SWT1: variants seen among roughly 807,000 people sequenced by gnomAD.
The protein encoded by SWT1 is SWT1 RNA endoribonuclease homolog, also known as transcriptional protein SWT1.
In SWT1, 33 loss-of-function variants were observed where a neutral mutation model predicts 107.3. The observed-to-expected ratio is 0.31, with a 90% CI of 0.23 to 0.41. The LOEUF is 0.41. Ranked by LOEUF, SWT1 falls within the 10% of genes least tolerant of loss-of-function variation. SWT1 has a pLI of 1.00. For missense variants in SWT1, 898 were observed against 1,028.9 expected, an observed-to-expected ratio of 0.87 and a Z score of 1.74; for synonymous variants, 345 against 348.3, an observed-to-expected ratio of 0.99 and a Z score of 0.11.
chr1:185,273,424 T>G (rs1664027805), intron 17 of SWT1, among the ~76,000 whole-genome samples: 1 of 147,916 alleles, frequency 6.8e-6, no homozygotes, highest in Non-Finnish European at 1.5e-5. Flanking sequence ...AAAAATAGGC[T>G]GGGCGCGGTG....
At chr1:185,290,427 T>G (rs965640245) in intron 18 of SWT1, among the ~76,000 whole-genome samples, 6 of 152,140 alleles carry the variant, frequency 3.9e-5, no homozygotes, top group African/African-American at 1.4e-4. Flanking sequence ...AAGTTTTTTT[T>G]TAAATAGTAA....
chr1:185,222,285 G>A (rs181770756), intron 15 of SWT1, among the ~76,000 whole-genome samples: 2 of 151,994 alleles, frequency 1.3e-5, no homozygotes, highest in African/African-American at 2.4e-5. Context: ...ACAGAATAAC[G>A]TTCTTTTTTA....
intron 13 of SWT1, among the ~76,000 whole-genome samples, chr1:185,208,779 A>G (rs1658536553): frequency 6.8e-6 from 1 of 146,068 alleles, no homozygotes; most frequent in Non-Finnish European, 1.5e-5. Context: ...TGATGCATTT[A>G]CTCAGGAGTA....
chr1:185,249,261 A>G (rs1661835501), intron 16 of SWT1, among the ~76,000 whole-genome samples: 1 of 152,154 alleles, frequency 6.6e-6, no homozygotes, highest in African/African-American at 2.4e-5. Context: ...CTGTTATGGC[A>G]TTGCCTCAGA....
intron 10 of SWT1, among the ~76,000 whole-genome samples, chr1:185,198,201 T>C (rs894133693): frequency 3.9e-5 from 6 of 152,216 alleles, no homozygotes; most frequent in African/African-American, 1.4e-4. Flanking sequence ...ATTTACTCGG[T>C]AGTCATTCAG....
intron 16 of SWT1, among the ~76,000 whole-genome samples, chr1:185,243,486 A>G (rs1168084336): frequency 6.6e-6 from 1 of 152,192 alleles, no homozygotes; most frequent in African/African-American, 2.4e-5. Context: ...TAGGCCAACC[A>G]GCTGCCAGTA....
intron 16 of SWT1, among the ~76,000 whole-genome samples, chr1:185,267,827 T>C (rs2102717574): frequency 6.6e-6 from 1 of 152,316 alleles, no homozygotes; most frequent in South Asian, 2.1e-4. Flanking sequence ...AGGACTTTCA[T>C]TCAAAAAGCC....
intron 18 of SWT1, chr1:185,281,545 G>T: frequency 4.2e-6 from 1 of 240,474 alleles, no homozygotes. Context: ...GCCTGCTGTA[G>T]GATGTCTTCA....
chr1:185,283,940 C>G (rs757460557), intron 18 of SWT1, among the ~76,000 whole-genome samples: 2 of 152,050 alleles, frequency 1.3e-5, no homozygotes, highest in African/African-American at 4.8e-5. Context: ...TAGTATTGCT[C>G]TTTGTGTATA....
At chr1:185,197,304 G>A (rs1487493223) in intron 10 of SWT1, among the ~76,000 whole-genome samples, 1 of 152,110 alleles carries the variant, frequency 6.6e-6, no homozygotes, top group East Asian at 1.9e-4. Context: ...TGCATCCCAG[G>A]GATGAAGCTG....
Position 185,206,665 on chromosome 1 carries a change from T to C in SWT1, c.1874T>C (p.Leu625Pro). Residue 625 changes from leucine (L) to proline (P), a missense_variant, in exon 13 of 19, where the codon CTA becomes CCA. By Grantham distance (98) the Leu-to-Pro change is moderately conservative. This residue lies in a region of SWT1 where 382 missense variants were observed against 460.0 expected (regional missense o/e 0.83). Transcript: ENST00000367500. ...LKPPWTLLHL[L>P]QCFKKHWLAV... ...CCACCATGGACTCTACTACATTTAC[T>C]ACAGTGCTTTAAAAAACATTGGTTG... 2 of 1,608,608 alleles carry C rather than the reference T, an allele frequency of 1.2e-6. No individual in the cohort carries two copies. The highest frequency in any genetic ancestry group is 1.7e-6 in the Non-Finnish European group (2 of 1,177,042).
intron 9 of SWT1, among the ~76,000 whole-genome samples, chr1:185,189,791 A>G (rs1345301828): frequency 1.3e-5 from 2 of 150,762 alleles, no homozygotes; most frequent in Non-Finnish European, 3.0e-5. Context: ...TTTCTTTTAT[A>G]TGTACATAAA....
chr1:185,208,742 C>CTTTTTTTTTTTTT (rs11444869), intron 13 of SWT1, among the ~76,000 whole-genome samples: 1 of 142,762 alleles, frequency 7.0e-6, no homozygotes. Context: ...CGATGAATAT[C>CTTTTTTTTTTTTT]TTTTTTTTTT....
At chr1:185,265,049 T>TA (rs1390781030) in intron 16 of SWT1, among the ~76,000 whole-genome samples, 1 of 152,086 alleles carries the variant, frequency 6.6e-6, no homozygotes, top group Non-Finnish European at 1.5e-5. Context: ...ACCACCAACT[T>TA]AAAAAATAAA....
At chr1:185,181,744 A>G (rs978418368) in intron 6 of SWT1, among the ~76,000 whole-genome samples, 2 of 152,252 alleles carry the variant, frequency 1.3e-5, no homozygotes, top group Non-Finnish European at 2.9e-5. Context: ...TGCATAGGTT[A>G]TGGAGGTAAG....
chr1:185,168,320 C>CATAAATGATAGA lies in SWT1; in HGVS notation c.166-20_166-19insATAAATGATAGA. 2 of 1,227,394 alleles carry CATAAATGATAGA rather than the reference C, an allele frequency of 1.6e-6. No homozygotes were observed. The highest frequency in any genetic ancestry group is 2.2e-6 in the Non-Finnish European group (2 of 926,336). 76.0% of individuals were successfully genotyped at this position (1,227,394 alleles called of 1,614,324 possible). On this transcript the variant is annotated intron_variant, in intron 3 of 18. Coordinates refer to ENST00000367500, the MANE Select transcript of SWT1 (RefSeq NM_017673.7). ...ATGTACCAGTGCACAATTTATGTGT[C>CATAAATGATAGA]CTTTTTTTATTTATTTCAGAAATCA...
chr1:185,176,039 C>T (rs963317806), intron 5 of SWT1, among the ~76,000 whole-genome samples: 3 of 152,088 alleles, frequency 2.0e-5, no homozygotes, highest in Non-Finnish European at 4.4e-5. Context: ...CCTGTAATCC[C>T]AGTGTTTTGG....
At chr1:185,260,807 C>T (rs1415040386) in intron 16 of SWT1, among the ~76,000 whole-genome samples, 1 of 152,020 alleles carries the variant, frequency 6.6e-6, no homozygotes, top group East Asian at 1.9e-4. Flanking sequence ...AAAGATAAAA[C>T]CATTCATAAT....
intron 13 of SWT1, among the ~76,000 whole-genome samples, chr1:185,211,973 A>G (rs910451547): frequency 5.3e-5 from 8 of 151,588 alleles, no homozygotes; most frequent in African/African-American, 1.2e-4. Flanking sequence ...ACCAAACACT[A>G]CATGTTCTCA....
Sources: allele counts gnomAD v4.1 joint callset (sites outside exome capture counted in the v4.1 genomes callset), GRCh38; gene constraint gnomAD v4.1.1; regional missense constraint gnomAD v4.1.1; transcripts MANE v1.5; gene names NCBI Gene and HGNC (gene_info 2026-07-23, HGNC 2026-07-21).